UNC5B: variants seen among roughly 807,000 people sequenced by gnomAD.
UNC5B encodes unc-5 netrin receptor B, also known as netrin receptor UNC5B.
Under a neutral mutation model 103.7 loss-of-function variants are expected in UNC5B, and 56 were observed. The ratio of observed to expected loss-of-function variants is 0.54; its 90% CI spans 0.44 to 0.67. The LOEUF is 0.67. Among genes scored for constraint, UNC5B ranks in the 30% least tolerant of loss-of-function variants. UNC5B has a pLI of 0.00. For synonymous variants in UNC5B, 577 were observed against 542.0 expected, an observed-to-expected ratio of 1.06 and a Z score of -0.90; for missense variants, 1,194 against 1,284.5, an observed-to-expected ratio of 0.93 and a Z score of 1.08.
intron 1 of UNC5B, among the ~76,000 whole-genome samples, chr10:71,244,099 C>G (rs531802324): frequency 3.9e-4 from 60 of 152,378 alleles, no homozygotes; most frequent in African/African-American, 1.3e-3. Context: ...GTATCTAGTA[C>G]TGGGCCAGGC....
At chr10:71,295,724 C>A in intron 13 of UNC5B, 87 bp from the exon 14 acceptor site, 1 of 1,509,988 alleles carries the variant, frequency 6.6e-7, no homozygotes, top group Non-Finnish European at 9.0e-7. Flanking sequence ...TCAGATGGGC[C>A]CCTGCCCCCT....
intron 1 of UNC5B, among the ~76,000 whole-genome samples, chr10:71,256,391 TC>T (rs1844291235): frequency 6.6e-6 from 1 of 152,188 alleles, no homozygotes; most frequent in African/African-American, 2.4e-5. Context: ...CTGCCGCGTC[TC>T]CCCAGTGCCC....
chr10:71,215,443 G>A (rs1843310136), intron 1 of UNC5B, among the ~76,000 whole-genome samples: 1 of 152,146 alleles, frequency 6.6e-6, no homozygotes. Flanking sequence ...CAAGTGGCAG[G>A]CACCTCTCTC....
At chr10:71,234,950 G>C (rs1843746591) in intron 1 of UNC5B, among the ~76,000 whole-genome samples, 1 of 152,146 alleles carries the variant, frequency 6.6e-6, no homozygotes, top group African/African-American at 2.4e-5. Flanking sequence ...CTCCCCAGCA[G>C]GCCAGATAGA....
At chr10:71,240,749 G>A (rs527257226) in intron 1 of UNC5B, among the ~76,000 whole-genome samples, 2 of 152,204 alleles carry the variant, frequency 1.3e-5, no homozygotes, top group Non-Finnish European at 1.5e-5. Context: ...CAGCAGAGGC[G>A]TAGCTGATAT....
rs781061610 is a variant in UNC5B at position 71,299,112 on chromosome 10, G to C, written c.2673G>C (p.Arg891=). 7.4e-6 allele frequency: 12 copies of C among 1,614,054 alleles called. No homozygotes were observed. In the South Asian group the frequency reaches 1.2e-4, roughly 16 times the overall value. Residue 891 remains arginine, a splice_region_variant and synonymous_variant, in exon 17 of 17, where the codon CGG becomes CGC. Coordinates refer to ENST00000335350, the MANE Select transcript of UNC5B (RefSeq NM_170744.5). ...RMLAQKLSMD[R]YLNYFATKAS... ...TCAGTGCCCTCCTTCCCTCTGCCAGGTACCTGAATTACTTTGCCACCAAAG... is the reference window on the plus strand; with the variant it reads ...TCAGTGCCCTCCTTCCCTCTGCCAGCTACCTGAATTACTTTGCCACCAAAG...
At chr10:71,269,788 T>C (rs1844602361) in intron 1 of UNC5B, among the ~76,000 whole-genome samples, 1 of 151,098 alleles carries the variant, frequency 6.6e-6, no homozygotes, top group Non-Finnish European at 1.5e-5. Context: ...GAGGTGAGCC[T>C]GCCAAGAGAA....
chr10:71,283,365 A>G (rs1844980649), intron 2 of UNC5B, among the ~76,000 whole-genome samples: 1 of 152,192 alleles, frequency 6.6e-6, no homozygotes, highest in Admixed American at 6.5e-5. Flanking sequence ...TAACTTGTCT[A>G]GAGTTTACCT....
intron 9 of UNC5B, 109 bp downstream of exon 9, chr10:71,291,218 A>T (rs1158575093): frequency 1.4e-6 from 2 of 1,429,060 alleles, no homozygotes; most frequent in Admixed American, 4.3e-5. Context: ...GGGTTTTTCC[A>T]GAGTTTGCTC....
chr10:71,225,021 G>T (rs1589149693), intron 1 of UNC5B, among the ~76,000 whole-genome samples: 1 of 152,182 alleles, frequency 6.6e-6, no homozygotes, highest in East Asian at 1.9e-4. Context: ...CGAGGGGAGA[G>T]CCTGCCTTGT....
At chr10:71,286,544 C>T (rs958810140) in intron 4 of UNC5B, 145 bp from the exon 5 acceptor site, 2 of 1,052,860 alleles carry the variant, frequency 1.9e-6, no homozygotes, top group African/African-American at 3.2e-5. Flanking sequence ...AACCCCAGAG[C>T]TGTACAGTGT....
intron 1 of UNC5B, among the ~76,000 whole-genome samples, chr10:71,234,585 C>T (rs1326654805): frequency 6.6e-6 from 1 of 152,222 alleles, no homozygotes; most frequent in Admixed American, 6.5e-5. Context: ...AAGCTCAAAG[C>T]CCCAGGCAGA....
rs576838665 is a variant in UNC5B at position 71,275,242 on chromosome 10, C to T, written c.80-4579C>T. ...TGCACTTTTGCAATTTAGGCCCAAA[C>T]GAGTTCTACTCTTGGGAAAAAACAC... On this transcript the variant is annotated intron_variant, in intron 1 of 16. Transcript: ENST00000335350. 1.2e-4 allele frequency among the ~76,000 whole-genome samples: 19 copies of T among 152,314 alleles called. No homozygotes were observed. In the South Asian group the frequency reaches 3.7e-3, roughly 30 times the overall value.
In UNC5B at chr10:71,251,700, T is replaced by A. The variant is rs771889944; in HGVS notation, c.80-28121T>A. ...CTGCAAAGACCCAGAAGGGGTCTTC[T>A]CGGTCCATATCTGAAACCCTTGCCA... On this transcript the variant is annotated intron_variant, in intron 1 of 16. Transcript: ENST00000335350. 3.5e-4 allele frequency among the ~76,000 whole-genome samples: 54 copies of A among 152,330 alleles called. No individual in the cohort carries two copies. The Middle Eastern group carries it at 0.01, about 29-fold the overall frequency.
chr10:71,289,058 C>T, intron 8 of UNC5B, 68 bp downstream of exon 8: 1 of 1,611,306 alleles, frequency 6.2e-7, no homozygotes. Flanking sequence ...CTGGCTTTTC[C>T]CGGGATCAGG....
Position 71,296,622 on chromosome 10 carries a change from C to G in UNC5B, c.2370C>G (p.Leu790=). 1 of 1,614,016 alleles carries G rather than the reference C, an allele frequency of 6.2e-7. No individual in the cohort carries two copies. The highest frequency in any genetic ancestry group is 8.5e-7 in the Non-Finnish European group (1 of 1,180,044). ...TTTGGAGTGGCAGCCAGAAGGCCCTCCACTGCACTTTCACCCTGGAGAGGC... is the reference window on the plus strand; with the variant it reads ...TTTGGAGTGGCAGCCAGAAGGCCCTGCACTGCACTTTCACCCTGGAGAGGC... ...YHIWSGSQKA[L]HCTFTLERHS... Residue 790 remains leucine (L), a synonymous_variant, in exon 15 of 17, where the codon CTC becomes CTG. Transcript: ENST00000335350.
At chr10:71,266,088 T>A (rs1844517202) in intron 1 of UNC5B, among the ~76,000 whole-genome samples, 1 of 152,152 alleles carries the variant, frequency 6.6e-6, no homozygotes, top group Non-Finnish European at 1.5e-5. Flanking sequence ...TTTTCACCCC[T>A]ACCTCATACT....
intron 1 of UNC5B, among the ~76,000 whole-genome samples, chr10:71,273,235 C>A (rs1844689047): frequency 6.6e-6 from 1 of 152,246 alleles, no homozygotes; most frequent in Non-Finnish European, 1.5e-5. Context: ...TCTCAGTTGA[C>A]CTTTCACAGC....
At chr10:71,244,007 C>T (rs572691465) in intron 1 of UNC5B, among the ~76,000 whole-genome samples, 5 of 152,342 alleles carry the variant, frequency 3.3e-5, no homozygotes, top group African/African-American at 1.2e-4. Context: ...AGGATCTGCA[C>T]CTGGGTGTGT....
Sources: allele counts gnomAD v4.1 joint callset (sites outside exome capture counted in the v4.1 genomes callset), GRCh38; gene constraint gnomAD v4.1.1; transcripts MANE v1.5; gene names NCBI Gene and HGNC (gene_info 2026-07-23, HGNC 2026-07-21).